Variants in YIF1A observed in about 807,000 individuals in gnomAD.
YIF1A encodes the protein protein YIF1A.
In YIF1A, 28 loss-of-function variants were observed where a neutral mutation model predicts 32.6. That is an observed-to-expected ratio of 0.86 (90% confidence interval 0.64 to 1.18). YIF1A has a LOEUF of 1.18. YIF1A is among the 50% of genes most tolerant of loss of function. The pLI is 0.00. For synonymous variants in YIF1A, 175 were observed against 162.2 expected (o/e 1.08, Z -0.60); for missense variants, 373 against 390.8 (o/e 0.95, Z 0.38).
chr11:66,287,374 AG>A, intron 4 of YIF1A: 1 of 570,912 alleles, frequency 1.8e-6, no homozygotes, highest in Non-Finnish European at 3.2e-6. Context: ...AGAAACAGGA[AG>A]GTCTCAAAAG....
chr11:66,284,933 G>T lies in YIF1A; in HGVS notation c.675C>A (p.Phe225Leu). ...MILSVLTGLL[F>L]GSDGYYVALA... ...GCGCCACGTAGTAGCCATCGCTGCC[G>T]AACAGCAGCCCCGTGAGCACACTGA... Residue 225 changes from phenylalanine (F) to leucine (L), a missense_variant, in exon 7 of 8, where the codon TTC becomes TTA. Transcript: ENST00000376901. 1.2e-6 allele frequency: 2 copies of T among 1,613,306 alleles called. No individual in the cohort carries two copies. Among genetic ancestry groups the T allele is most frequent in the Non-Finnish European group, 1.7e-6 (2 of 1,179,962 alleles).
At chr11:66,285,250 C>T in intron 6 of YIF1A, 131 bp downstream of exon 6, 3 of 1,362,916 alleles carry the variant, frequency 2.2e-6, no homozygotes, top group East Asian at 2.3e-5. Flanking sequence ...CTGCTGGAGA[C>T]AGCTGCTCCC....
intron 1 of YIF1A, among the ~76,000 whole-genome samples, chr11:66,288,507 G>A (rs1475946580): frequency 2.0e-5 from 3 of 152,250 alleles, no homozygotes; most frequent in Admixed American, 1.3e-4. Context: ...AGAAAGAGCT[G>A]AGGCAGCGCC....
At chr11:66,288,815 A>T in intron 1 of YIF1A, 140 bp downstream of exon 1, 1 of 1,001,728 alleles carries the variant, frequency 1.0e-6, no homozygotes. Context: ...GACGTGTTGG[A>T]GTGTTACGAG....
At position 66,286,369 on chromosome 11, in the gene YIF1A, C is replaced by A. The variant is rs546487845; in HGVS notation, c.428-611G>T. ...CAGTAGCTCACGCCTGTAATCCCAG[C>A]ACTTTGGGAGGCTGAGGCAGGCAGC... On this transcript the variant is annotated intron_variant, in intron 4 of 7. Transcript: ENST00000376901. Among the ~76,000 whole-genome samples, 3 of 152,370 alleles carry A rather than the reference C, an allele frequency of 2.0e-5. No individual in the cohort carries two copies. In the East Asian group the frequency reaches 5.8e-4, roughly 29 times the overall value.
At chr11:66,287,734 G>A in intron 3 of YIF1A, 58 bp from the exon 4 acceptor site, 1 of 1,610,956 alleles carries the variant, frequency 6.2e-7, no homozygotes, top group Non-Finnish European at 8.5e-7. Context: ...GAAAAGAGGA[G>A]AGAAGGGGGT....
rs373035564 is a variant in YIF1A, at chr11:66,285,497, C to T, written c.525G>A (p.Ala175=). Residue 175 remains alanine, a synonymous_variant, in exon 6 of 8, where the codon GCG becomes GCA. Coordinates refer to ENST00000376901, the MANE Select transcript of YIF1A (RefSeq NM_020470.3). ...PEVLGLCAST[A]LVWVVMEVLA... is the part of the protein sequence containing the mutation. The stretch of plus-strand genomic sequence containing the variant: ...GCACCTCCATCACCACCCACACCAG[C>T]GCTGTGCTTGCACACAGGCCCAGCA... The T allele has an allele frequency of 3.7e-5, 60 of 1,613,202 alleles. No individual in the cohort carries two copies. In the African/African-American group the frequency reaches 5.7e-4, roughly 15 times the overall value.
chr11:66,287,838 G>GC lies in YIF1A; in HGVS notation c.321dup (p.Leu108AlafsTer18). The stretch of plus-strand genomic sequence containing the variant: ...TGGTGTGTGTAGGGGAAGACCAGCA[G>GC]CCCTAGCTTCTTGGCCACGTAGGCT... On this transcript the variant is annotated frameshift_variant, in exon 3 of 8. Transcript: ENST00000376901. LOFTEE classifies it high-confidence loss of function. The GC allele has an allele frequency of 6.2e-7, 1 of 1,614,068 alleles. No homozygotes were observed. Among genetic ancestry groups the GC allele is most frequent in the Non-Finnish European group, 8.5e-7 (1 of 1,180,002 alleles).
chr11:66,286,490 G>A (rs938104466), intron 4 of YIF1A, among the ~76,000 whole-genome samples: 4 of 152,194 alleles, frequency 2.6e-5, no homozygotes, highest in South Asian at 4.1e-4. Flanking sequence ...GGTGGCAGGC[G>A]CCTGTAGCCT....
In YIF1A at chr11:66,288,928, GCCGCGCCCCGC is replaced by G. The variant is rs774142396; in HGVS notation, c.31+16_31+26del. ...CGCCGACTCTCCCCCCGCCGGCCGC[GCCGCGCCCCGC>G]CCGCGCCCCACGCACCGTGGGCTCC... is the stretch of plus-strand genomic sequence containing the variant. On this transcript the variant is annotated intron_variant, in intron 1 of 7. Transcript: ENST00000376901. 1.4e-5 allele frequency: 21 copies of G among 1,470,738 alleles called. No homozygotes were observed. The highest frequency in any genetic ancestry group is 1.1e-4 in the East Asian group (4 of 36,144). 91.1% of individuals were successfully genotyped at this position (1,470,738 alleles called of 1,614,324 possible).
At chr11:66,285,037 G>T in intron 6 of YIF1A, 71 bp from the exon 7 acceptor site, 1 of 1,484,688 alleles carries the variant, frequency 6.7e-7, no homozygotes. Context: ...TACCCCCAAC[G>T]CCCAGAGCCC....
Position 66,285,843 on chromosome 11 carries a change from C to T in YIF1A, c.428-85G>A. Reference sequence around the variant, plus strand: ...GGCATTCGGGTTCACCGACATGTCCCATACTTCCTTCTCTGAATAGCCCAG... The same window carrying T: ...GGCATTCGGGTTCACCGACATGTCCTATACTTCCTTCTCTGAATAGCCCAG... On this transcript the variant is annotated intron_variant, in intron 4 of 7. Coordinates refer to ENST00000376901, the MANE Select transcript of YIF1A (RefSeq NM_020470.3). 2.7e-6 allele frequency: 4 copies of T among 1,462,592 alleles called. No homozygotes were observed. The South Asian group carries it at 3.6e-5, about 13-fold the overall frequency. The allele number at this position is 1,462,592 out of a possible 1,614,324, so 90.6% of individuals were successfully genotyped here.
In YIF1A at chr11:66,288,168, G is replaced by A. The variant is rs145320533; in HGVS notation, c.156C>T (p.Asn52=). ...ATGADVAFSV[N]HLLGDPMANV... ...TGGCCATTGGGTCCCCAAGCAAGTG[G>A]TTGACACTGAAGGCCACGTCTGCTC... Residue 52 remains asparagine, a synonymous_variant, in exon 2 of 8, where the codon AAC becomes AAT. Coordinates refer to ENST00000376901, the MANE Select transcript of YIF1A (RefSeq NM_020470.3). 1 of 1,614,074 alleles carries A rather than the reference G, an allele frequency of 6.2e-7. No homozygotes were observed. Among genetic ancestry groups the A allele is most frequent in the African/African-American group, 1.3e-5 (1 of 74,946 alleles).
chr11:66,287,817 G>T lies in YIF1A; in HGVS notation c.343C>A (p.His115Asn), dbSNP rs753339632. ...KLGLLVFPYT[H>N]QNWEVQYSRD... ...TCCCTTGGTAGGAAGCTCACCTGGTGTGTGTAGGGGAAGACCAGCAGCCCT... is the reference window on the plus strand; with the variant it reads ...TCCCTTGGTAGGAAGCTCACCTGGTTTGTGTAGGGGAAGACCAGCAGCCCT... The change falls in exon 3 of 8, where the codon CAC (histidine) becomes AAC (asparagine). Residue 115 changes from histidine to asparagine, a missense_variant. Physicochemically the swap from His to Asn is moderately conservative, Grantham distance 68. Coordinates refer to ENST00000376901, the MANE Select transcript of YIF1A (RefSeq NM_020470.3). 1 of 1,613,974 alleles carries T rather than the reference G, an allele frequency of 6.2e-7. No individual in the cohort carries two copies. The highest frequency in any genetic ancestry group is 8.5e-7 in the Non-Finnish European group (1 of 1,179,982).
intron 4 of YIF1A, 120 bp from the exon 5 acceptor site, chr11:66,285,878 ACCT>A: frequency 8.8e-7 from 1 of 1,131,730 alleles, no homozygotes; most frequent in Non-Finnish European, 1.3e-6. Flanking sequence ...GCATGGCCTG[ACCT>A]CCACATTCTG....
At chr11:66,285,111 C>T (rs1857333221) in intron 6 of YIF1A, 145 bp from the exon 7 acceptor site, 1 of 950,860 alleles carries the variant, frequency 1.1e-6, no homozygotes, top group Non-Finnish European at 1.6e-6. Context: ...ACCCAGACCC[C>T]AAAGGGATAT....
intron 4 of YIF1A, chr11:66,287,382 A>G (rs1172960532): frequency 1.7e-6 from 1 of 587,476 alleles, no homozygotes; most frequent in Non-Finnish European, 3.1e-6. Context: ...GAAGGTCTCA[A>G]AAGGGTGTCC....
At chr11:66,288,352 C>T (rs1857396952) in intron 1 of YIF1A, 60 bp from the exon 2 acceptor site, 2 of 1,600,250 alleles carry the variant, frequency 1.2e-6, no homozygotes, top group Admixed American at 1.7e-5. Flanking sequence ...CCCAAACCAC[C>T]GCCCCTTCCC....
chr11:66,284,892 G>A lies in YIF1A; in HGVS notation c.716C>T (p.Ser239Leu), dbSNP rs753567512. 6.8e-6 allele frequency: 11 copies of A among 1,613,182 alleles called. No individual in the cohort carries two copies. Among genetic ancestry groups the A allele is most frequent in the African/African-American group, 2.7e-5 (2 of 74,898 alleles). ...GYYVALAWTS[S>L]ALMYFIVRSL... ...ACTCACAATGAAGTACATGAGCGCC[G>A]ATGAGGTCCAGGCCAGCGCCACGTA... Residue 239 changes from serine (S) to leucine (L), a missense_variant, in exon 7 of 8, where the codon TCG (serine) becomes TTG (leucine). Ser to Leu is a moderately radical substitution (Grantham distance 145). Coordinates refer to ENST00000376901, the MANE Select transcript of YIF1A (RefSeq NM_020470.3).
Sources: gnomAD v4.1 joint callset for allele counts (sites outside exome capture counted in the v4.1 genomes callset) on GRCh38, gnomAD v4.1.1 for gene constraint, MANE v1.5 for transcripts, NCBI Gene and HGNC (gene_info 2026-07-23, HGNC 2026-07-21) for gene names.